PACRG: variants seen among roughly 807,000 people sequenced by gnomAD.
The protein encoded by PACRG is parkin coregulated.
PACRG carries 29 observed loss-of-function variants against 29.7 expected under a neutral mutation model. The ratio of observed to expected loss-of-function variants is 0.98; its 90% CI spans 0.73 to 1.33. The LOEUF (loss-of-function observed/expected upper bound fraction) is 1.33. PACRG is among the 40% of genes most tolerant of loss of function. The pLI, the probability that PACRG is intolerant of heterozygous loss-of-function variation, is 0.00. For synonymous variants in PACRG, 116 were observed against 118.7 expected (o/e 0.98, Z 0.15); for missense variants, 279 against 316.2 (o/e 0.88, Z 0.89).
chr6:163,271,383 A>T (rs1783827882), intron 4 of PACRG, among the ~76,000 whole-genome samples: 1 of 75,788 alleles, frequency 1.3e-5, no homozygotes, highest in Non-Finnish European at 2.8e-5. Context: ...TTGACACTCA[A>T]TATTAACCAT....
At chr6:163,174,968 CTTG>C (rs747255718) in intron 4 of PACRG, among the ~76,000 whole-genome samples, 10 of 152,256 alleles carry the variant, frequency 6.6e-5, no homozygotes, top group Non-Finnish European at 1.3e-4. Flanking sequence ...CACAGTACAG[CTTG>C]TTGTAGCAGA....
chr6:162,960,050 A>G (rs1424770723), intron 2 of PACRG, among the ~76,000 whole-genome samples: 1 of 152,222 alleles, frequency 6.6e-6, no homozygotes, highest in African/African-American at 2.4e-5. Flanking sequence ...TCAAACCACA[A>G]TGAGGTACCA....
chr6:162,999,005 C>T (rs1415334359), intron 2 of PACRG, among the ~76,000 whole-genome samples: 4 of 152,136 alleles, frequency 2.6e-5, no homozygotes, highest in African/African-American at 9.7e-5. Flanking sequence ...GGCCAGCAGT[C>T]ACAGCACCAG....
intron 2 of PACRG, among the ~76,000 whole-genome samples, chr6:162,847,037 C>T (rs1291122041): frequency 7.0e-6 from 1 of 142,346 alleles, no homozygotes; most frequent in African/African-American, 2.6e-5. Flanking sequence ...CCGTGCTCCT[C>T]ACGCTGACTG....
At chr6:162,757,541 C>A (rs1310148982) in intron 1 of PACRG, among the ~76,000 whole-genome samples, 1 of 151,900 alleles carries the variant, frequency 6.6e-6, no homozygotes, top group Non-Finnish European at 1.5e-5. Context: ...AACCCTGTCT[C>A]TACTAAAAAT....
chr6:162,802,863 G>A (rs1351958448), intron 1 of PACRG, among the ~76,000 whole-genome samples: 1 of 151,972 alleles, frequency 6.6e-6, no homozygotes, highest in Non-Finnish European at 1.5e-5. Flanking sequence ...CTACTATTCT[G>A]ACTATTCTTT....
intron 4 of PACRG, among the ~76,000 whole-genome samples, chr6:163,294,506 C>A (rs1784722125): frequency 6.6e-6 from 1 of 151,890 alleles, no homozygotes; most frequent in African/African-American, 2.4e-5. Flanking sequence ...AAAATGGCAG[C>A]CCAAGGAAAA....
chr6:163,173,843 C>A (rs1325721105), intron 4 of PACRG, among the ~76,000 whole-genome samples: 1 of 152,196 alleles, frequency 6.6e-6, no homozygotes, highest in Non-Finnish European at 1.5e-5. Context: ...AGTGTTGGTG[C>A]CTTGTCCTCT....
chr6:163,049,255 G>C, intron 2 of PACRG, among the ~76,000 whole-genome samples: 1 of 151,922 alleles, frequency 6.6e-6, no homozygotes, highest in East Asian at 1.9e-4. Context: ...TGGAGAACTA[G>C]TCAATAAATA....
intron 4 of PACRG, among the ~76,000 whole-genome samples, chr6:163,127,178 A>G (rs1464014080): frequency 1.3e-5 from 2 of 152,234 alleles, no homozygotes; most frequent in Admixed American, 1.3e-4. Flanking sequence ...TCATTTCCAG[A>G]GCTCTGCCCA....
At chr6:163,120,306 C>T (rs1816206327) in intron 4 of PACRG, among the ~76,000 whole-genome samples, 1 of 152,196 alleles carries the variant, frequency 6.6e-6, no homozygotes, top group South Asian at 2.1e-4. Context: ...TAAAGGATCT[C>T]CCTTGTTTCC....
chr6:163,101,158 G>GC (rs1472206838), intron 4 of PACRG: 2 of 982,988 alleles, frequency 2.0e-6, no homozygotes, highest in Non-Finnish European at 2.4e-6. Context: ...CTCTGCCCCC[G>GC]CCCCCCAAAA....
chr6:162,790,531 T>TA (rs1784848093), intron 1 of PACRG, among the ~76,000 whole-genome samples: 1 of 152,124 alleles, frequency 6.6e-6, no homozygotes, highest in Non-Finnish European at 1.5e-5. Flanking sequence ...TATATATATA[T>TA]TGCTTAGCCA....
intron 2 of PACRG, among the ~76,000 whole-genome samples, chr6:162,927,957 A>G (rs892511863): frequency 2.6e-5 from 4 of 151,852 alleles, no homozygotes; most frequent in African/African-American, 9.7e-5. Context: ...GAATTTCCCT[A>G]TGTTCATTGC....
intron 2 of PACRG, among the ~76,000 whole-genome samples, chr6:162,855,888 TC>T (rs1791348421): frequency 6.6e-6 from 1 of 152,146 alleles, no homozygotes; most frequent in Non-Finnish European, 1.5e-5. Context: ...TTGTTGCTAG[TC>T]AGTTATGGCC....
chr6:162,876,433 G>A (rs1321508741), intron 2 of PACRG, among the ~76,000 whole-genome samples: 1 of 152,174 alleles, frequency 6.6e-6, no homozygotes, highest in Non-Finnish European at 1.5e-5. Context: ...ATATTCAGGA[G>A]GCTTTGATTT....
chr6:163,158,039 C>A (rs913317736), intron 4 of PACRG, among the ~76,000 whole-genome samples: 1 of 152,016 alleles, frequency 6.6e-6, no homozygotes, highest in African/African-American at 2.4e-5. Context: ...ATGTGTAGAC[C>A]CTTATGGATA....
intron 1 of PACRG, among the ~76,000 whole-genome samples, chr6:162,773,494 ATTTTTTTTTTT>A (rs71008110): frequency 1.5e-5 from 1 of 65,996 alleles, no homozygotes; most frequent in African/African-American, 6.5e-5. Context: ...ACAGCTTGTC[ATTTTTTTTTTT>A]TTTTTTTTTT....
At chr6:162,997,284 G>A (rs999868452) in intron 2 of PACRG, 4 of 317,592 alleles carry the variant, frequency 1.3e-5, no homozygotes, top group African/African-American at 8.9e-5. Context: ...GACTATAATT[G>A]GATTGTCGGA....
Sources: gnomAD v4.1 joint callset for allele counts (sites outside exome capture counted in the v4.1 genomes callset) on GRCh38, gnomAD v4.1.1 for gene constraint, MANE v1.5 for transcripts, NCBI Gene and HGNC (gene_info 2026-07-23, HGNC 2026-07-21) for gene names.